Variants in ZBTB43 observed in about 807,000 individuals in gnomAD.
The protein encoded by ZBTB43 is zinc finger and BTB domain-containing protein 43.
ZBTB43 carries 6 observed loss-of-function variants against 31.1 expected under a neutral mutation model. The observed-to-expected ratio is 0.19, with a 90% CI of 0.11 to 0.38. The LOEUF is 0.38. Among genes scored for constraint, ZBTB43 ranks in the 10% least tolerant of loss-of-function variants. The pLI is 1.00. For missense variants in ZBTB43, 379 were observed against 602.1 expected (o/e 0.63, Z 3.88); for synonymous variants, 212 against 221.7 (o/e 0.96, Z 0.39).
At position 126,833,778 on chromosome 9, in the gene ZBTB43, A is replaced by G; in HGVS notation, c.1269A>G (p.Thr423=). The part of the protein sequence containing the change: ...HHLVGHMKIH[T]GIKPYECNIC... ...TCGTGGGCCACATGAAAATTCACACAGGCATAAAGCCGTATGAGTGTAATA... is the reference window on the plus strand; with the variant it reads ...TCGTGGGCCACATGAAAATTCACACGGGCATAAAGCCGTATGAGTGTAATA... The change falls in exon 3 of 3, where the codon ACA becomes ACG. Residue 423 remains threonine (T), a synonymous_variant. Coordinates refer to ENST00000373464, the MANE Select transcript of ZBTB43 (RefSeq NM_014007.4). The surrounding 1 kb of genome is among the most constrained non-coding windows in gnomAD (Gnocchi z 7.9). 6.2e-7 allele frequency: 1 copy of G among 1,611,856 alleles called. No individual in the cohort carries two copies. Among genetic ancestry groups the G allele is most frequent in the Non-Finnish European group, 8.5e-7 (1 of 1,178,030 alleles).
chr9:126,808,333 G>A (rs1040427388), intron 1 of ZBTB43, among the ~76,000 whole-genome samples: 3 of 152,132 alleles, frequency 2.0e-5, no homozygotes, highest in Non-Finnish European at 2.9e-5. Context: ...TCATAAAGCA[G>A]GTGGCTTGTT....
intron 2 of ZBTB43, among the ~76,000 whole-genome samples, chr9:126,825,842 ATTTTTT>A (rs72512629): frequency 1.1e-5 from 1 of 91,202 alleles, no homozygotes; most frequent in Non-Finnish European, 2.3e-5. Context: ...TCCTTTTTAT[ATTTTTT>A]TTTTTTTTTT....
intron 2 of ZBTB43, among the ~76,000 whole-genome samples, chr9:126,825,480 G>A (rs1286355668): frequency 2.0e-5 from 3 of 152,170 alleles, no homozygotes; most frequent in African/African-American, 4.8e-5. Flanking sequence ...GGCAGTCTGT[G>A]ATCAAGATGT....
At chr9:126,825,920 A>G (rs1244490530) in intron 2 of ZBTB43, among the ~76,000 whole-genome samples, 9 of 135,202 alleles carry the variant, frequency 6.7e-5, no homozygotes, top group Non-Finnish European at 1.2e-4. Context: ...ATCTCAGCTC[A>G]CTGCAACCTC....
Position 126,830,115 on chromosome 9 carries a change from A to G in ZBTB43, c.-23-2372A>G, listed in dbSNP as rs142274698. On this transcript the variant is annotated intron_variant, in intron 2 of 2. Transcript: ENST00000373464. ...TCATCCAGACCTGGATTCACATCTC[A>G]ACTTAATAAAAACTAGCTTTTAACC... Among the ~76,000 whole-genome samples the G allele has an allele frequency of 5.1e-3, 783 of 152,334 alleles. 6 individuals carry two copies. The highest frequency in any genetic ancestry group is 0.018 in the African/African-American group (731 of 41,570).
At chr9:126,818,296 A>AATATAT (rs140919672) in intron 2 of ZBTB43, among the ~76,000 whole-genome samples, 99 of 146,916 alleles carry the variant, frequency 6.7e-4, no homozygotes, top group Admixed American at 1.5e-3. Context: ...CTAATTAAAA[A>AATATAT]ATATATATAT....
intron 2 of ZBTB43, among the ~76,000 whole-genome samples, chr9:126,812,618 A>G (rs140058533): frequency 6.6e-6 from 1 of 152,190 alleles, no homozygotes; most frequent in African/African-American, 2.4e-5. Flanking sequence ...TTAGTGAGTG[A>G]AAAGGGATGT....
chr9:126,815,350 A>G (rs941234126), intron 2 of ZBTB43, among the ~76,000 whole-genome samples: 4 of 145,724 alleles, frequency 2.7e-5, no homozygotes, highest in African/African-American at 1.0e-4. Context: ...AGTTTTCAAT[A>G]TATAAAAATA....
Position 126,833,421 on chromosome 9 carries a change from A to G in ZBTB43, c.912A>G (p.Glu304=). 6.2e-7 allele frequency: 1 copy of G among 1,614,160 alleles called. No homozygotes were observed. The highest frequency in any genetic ancestry group is 1.7e-5 in the Admixed American group (1 of 60,018). The part of the protein sequence containing the change: ...GEKKVEAEFD[E]QADESNYDEQ... The stretch of plus-strand genomic sequence containing the variant: ...AGAAAGTGGAAGCTGAGTTTGATGA[A>G]CAGGCTGATGAAAGCAATTATGATG... The change falls in exon 3 of 3, where the codon GAA becomes GAG. Residue 304 remains glutamate (E), a synonymous_variant. Coordinates refer to ENST00000373464, the MANE Select transcript of ZBTB43 (RefSeq NM_014007.4). This position sits in a 1 kb window ranked among gnomAD's most constrained non-coding sequence, Gnocchi z 7.9.
chr9:126,820,236 T>C (rs558507683), intron 2 of ZBTB43, among the ~76,000 whole-genome samples: 2 of 152,356 alleles, frequency 1.3e-5, no homozygotes, highest in East Asian at 3.9e-4. Flanking sequence ...GGAGATGCTA[T>C]CTATGACTTC....
chr9:126,813,659 A>G (rs1223652273), intron 2 of ZBTB43, among the ~76,000 whole-genome samples: 1 of 152,174 alleles, frequency 6.6e-6, no homozygotes, highest in Non-Finnish European at 1.5e-5. Context: ...TATCATACTT[A>G]TGATGTACCA....
chr9:126,813,556 G>A (rs896658742), intron 2 of ZBTB43, among the ~76,000 whole-genome samples: 1 of 152,132 alleles, frequency 6.6e-6, no homozygotes, highest in Non-Finnish European at 1.5e-5. Context: ...AGAGAGCCGA[G>A]GGAGATCTGA....
In ZBTB43 at chr9:126,832,600, C is replaced by A. The variant is rs2032787431; in HGVS notation, c.91C>A (p.Gln31Lys). Residue 31 changes from glutamine (Q) to lysine (K), a missense_variant, in exon 3 of 3, where the codon CAA (glutamine) becomes AAA (lysine). Gln to Lys is a moderately conservative substitution (Grantham distance 53, BLOSUM62 1). Coordinates refer to ENST00000373464, the MANE Select transcript of ZBTB43 (RefSeq NM_014007.4). ...ACTGAACCAGCAGCGCCAGCAAGGA[C>A]AATTATGTGACGTCTCCATTGTTGT... ...QKLNQQRQQG[Q>K]LCDVSIVVQG... is the part of the protein sequence containing the mutation. 1.9e-6 allele frequency: 3 copies of A among 1,614,174 alleles called. No homozygotes were observed. The highest frequency in any genetic ancestry group is 2.5e-6 in the Non-Finnish European group (3 of 1,180,032).
chr9:126,828,170 T>TA (rs1045451529), intron 2 of ZBTB43, among the ~76,000 whole-genome samples: 3 of 152,056 alleles, frequency 2.0e-5, no homozygotes, highest in African/African-American at 7.2e-5. Flanking sequence ...ACCCATGTAT[T>TA]AAAGGTTTTA....
intron 2 of ZBTB43, among the ~76,000 whole-genome samples, chr9:126,822,550 C>T (rs1704743943): frequency 6.6e-6 from 1 of 151,902 alleles, no homozygotes; most frequent in Admixed American, 6.6e-5. Context: ...CAAGACCATC[C>T]TGGGCAACAT....
upstream of ZBTB43, among the ~76,000 whole-genome samples, chr9:126,804,166 A>AT (rs1365382972): frequency 6.6e-6 from 1 of 151,784 alleles, no homozygotes; most frequent in Non-Finnish European, 1.5e-5. Flanking sequence ...CTACACTAAC[A>AT]TGGGGGGGCA....
Position 126,836,071 on chromosome 9 carries a change from G to C in ZBTB43, c.*2158G>C, listed in dbSNP as rs1481377405. 1 of 167,084 alleles carries C rather than the reference G, an allele frequency of 6.0e-6. No individual in the cohort carries two copies. The highest frequency in any genetic ancestry group is 1.5e-5 in the Non-Finnish European group (1 of 68,128). The allele number at this position is 167,084 out of a possible 1,614,324, so 10.4% of individuals were successfully genotyped here. Reference sequence around the variant, plus strand: ...AGAGCATTTTCTGCCTGTTTGGAAGGTTTGATGTCCTGTTTCTCATTGAAG... The same window carrying C: ...AGAGCATTTTCTGCCTGTTTGGAAGCTTTGATGTCCTGTTTCTCATTGAAG... On this transcript the variant is annotated 3_prime_UTR_variant, in exon 3 of 3. Coordinates refer to ENST00000373464, the MANE Select transcript of ZBTB43 (RefSeq NM_014007.4).
chr9:126,826,159 G>A (rs751323879), intron 2 of ZBTB43, among the ~76,000 whole-genome samples: 8 of 151,588 alleles, frequency 5.3e-5, no homozygotes, highest in South Asian at 2.1e-4. Flanking sequence ...TATTACAGGC[G>A]CCCACCACCA....
intron 2 of ZBTB43, among the ~76,000 whole-genome samples, chr9:126,818,826 A>G (rs1033558712): frequency 2.8e-4 from 42 of 152,098 alleles, no homozygotes; most frequent in African/African-American, 9.4e-4. Context: ...TAGTTTTTGT[A>G]TAGTGTTTTT....
Sources: allele counts gnomAD v4.1 joint callset (sites outside exome capture counted in the v4.1 genomes callset), GRCh38; gene constraint gnomAD v4.1.1; non-coding constraint Gnocchi (gnomAD v3.1); transcripts MANE v1.5; gene names NCBI Gene and HGNC (gene_info 2026-07-23, HGNC 2026-07-21).